GGCX: variants seen among roughly 807,000 people sequenced by gnomAD.
GGCX encodes the protein vitamin K-dependent gamma-carboxylase.
In GGCX, 63 loss-of-function variants were observed where a neutral mutation model predicts 88.5. The observed-to-expected ratio is 0.71, with a 90% CI of 0.58 to 0.88. GGCX has a LOEUF of 0.88. GGCX is among the 40% of genes least tolerant of loss of function. GGCX has a pLI of 0.00. For missense variants in GGCX, 805 were observed against 932.9 expected (o/e 0.86, Z 1.79); for synonymous variants, 368 against 365.8 (o/e 1.01, Z -0.07).
Position 85,550,566 on chromosome 2 carries a change from G to A in GGCX, c.2073C>T (p.Val691=), listed in dbSNP as rs757455951. The change falls in exon 14 of 15, where the codon GTC becomes GTT. Residue 691 remains valine (V), a synonymous_variant. Transcript: ENST00000233838. ...FFRFLLRKLY[V]FRRSFLMTCI... The stretch of plus-strand genomic sequence containing the variant: ...TGTTGTGAACTTACCTGCGGCGAAA[G>A]ACATAGAGCTTTCGCAACAAGAAGC... 7 of 1,613,140 alleles carry A rather than the reference G, an allele frequency of 4.3e-6. No individual in the cohort carries two copies. In the East Asian group the frequency reaches 1.1e-4, roughly 26 times the overall value.
In GGCX at chr2:85,547,700, G is replaced by C. The variant is rs1691743764; in HGVS notation, c.*2234C>G. ...CATCCCTCCCACCCATTCTTACAAA[G>C]TAATCAGGGGACCCTGTGCCACAGC... On this transcript the variant is annotated 3_prime_UTR_variant, in exon 15 of 15. Coordinates refer to ENST00000233838, the MANE Select transcript of GGCX (RefSeq NM_000821.7). 1 of 136,022 alleles carries C rather than the reference G, an allele frequency of 7.4e-6. No individual in the cohort carries two copies. The allele number at this position is 136,022 out of a possible 1,614,324, so 8.4% of individuals were successfully genotyped here.
intron 10 of GGCX, among the ~76,000 whole-genome samples, 167 bp from the exon 11 acceptor site, chr2:85,552,148 C>T (rs192077031): frequency 1.3e-5 from 2 of 152,310 alleles, no homozygotes; most frequent in South Asian, 2.1e-4. Flanking sequence ...CAGAAGAGAT[C>T]TGGAGCACTG....
chr2:85,555,378 T>G (rs2103974158), intron 6 of GGCX, 106 bp downstream of exon 6: 2 of 712,094 alleles, frequency 2.8e-6, no homozygotes, highest in East Asian at 2.6e-5. Flanking sequence ...AAGGAAGGCA[T>G]GTGGCAAATT....
Position 85,558,443 on chromosome 2 carries a change from T to C in GGCX, c.536A>G (p.Tyr179Cys), listed in dbSNP as rs550885855. The C allele has an allele frequency of 1.2e-6, 2 of 1,613,418 alleles. No individual in the cohort carries two copies. The highest frequency in any genetic ancestry group is 2.2e-5 in the South Asian group (2 of 91,072). The change falls in exon 4 of 15, where the codon TAC becomes TGC. Residue 179 changes from tyrosine to cysteine, a missense_variant. Coordinates refer to ENST00000233838, the MANE Select transcript of GGCX (RefSeq NM_000821.7). ...FQLTFMDANH[Y>C]WSVDGLLNAH... ...CTTTGTCCCCCCTGACTCATACCAG[T>C]AGTGGTTTGCATCCATGAATGTTAG...
rs527480544 is a variant in GGCX, at chr2:85,547,393, T to C, written c.*2541A>G. ...CAACTCTACCCCACTGAACAGCTTT[T>C]ATTACCAGTATTTACATGACCACTT... is the stretch of plus-strand genomic sequence containing the variant. On this transcript the variant is annotated 3_prime_UTR_variant, in exon 15 of 15. Coordinates refer to ENST00000233838, the MANE Select transcript of GGCX (RefSeq NM_000821.7). 1 of 152,318 alleles carries C rather than the reference T, an allele frequency of 6.6e-6. No homozygotes were observed. Among genetic ancestry groups the C allele is most frequent in the African/African-American group, 2.4e-5 (1 of 41,568 alleles). The allele number at this position is 152,318 out of a possible 1,614,324, so 9.4% of individuals were successfully genotyped here.
chr2:85,561,387 T>C lies in GGCX; in HGVS notation c.42A>G (p.Ser14=), dbSNP rs1183548431. Residue 14 remains serine, a splice_region_variant and synonymous_variant, in exon 1 of 15, where the codon TCA becomes TCG. Coordinates refer to ENST00000233838, the MANE Select transcript of GGCX (RefSeq NM_000821.7). ...CGGAGGGCGGGGTCCTAAGCCTACC[T>C]GAGCTGGGCGAGGTCCGCGCGGACC... ...SAGSARTSPS[S]DKVQKDKAEL... The C allele has an allele frequency of 3.2e-6, 5 of 1,549,590 alleles. No individual in the cohort carries two copies. The highest frequency in any genetic ancestry group is 4.4e-6 in the Non-Finnish European group (5 of 1,145,026).
Position 85,550,647 on chromosome 2 carries a change from T to C in GGCX, c.1992A>G (p.Gln664=). 1.9e-6 allele frequency: 3 copies of C among 1,613,964 alleles called. No individual in the cohort carries two copies. Among genetic ancestry groups the C allele is most frequent in the Non-Finnish European group, 2.5e-6 (3 of 1,179,840 alleles). ...GCCGGCGTTCAATCTCCTGGAGCCT[T>C]TGTTGGCGTCTAAGAAAGGTCTGAA... ...PLVQTFLRRQ[Q]RLQEIERRRN... The change falls in exon 14 of 15, where the codon CAA becomes CAG. Residue 664 remains glutamine, a synonymous_variant. Coordinates refer to ENST00000233838, the MANE Select transcript of GGCX (RefSeq NM_000821.7).
rs1278304589 is a variant in GGCX at position 85,552,284 on chromosome 2, C to A, written c.1439+132G>T. On this transcript the variant is annotated intron_variant, in intron 10 of 14. Coordinates refer to ENST00000233838, the MANE Select transcript of GGCX (RefSeq NM_000821.7). ...TGGAAGCAACCAGCTATGCCCACAA[C>A]CAGATCAAGGGGGACATGCACTAGA... The A allele has an allele frequency of 8.6e-6, 8 of 931,048 alleles. No homozygotes were observed. In the Admixed American group the frequency reaches 1.5e-4, roughly 17 times the overall value. 57.7% of individuals were successfully genotyped at this position (931,048 alleles called of 1,614,324 possible).
intron 4 of GGCX, among the ~76,000 whole-genome samples, chr2:85,557,921 C>A (rs575152235): frequency 1.1e-3 from 167 of 152,310 alleles, no homozygotes; most frequent in African/African-American, 3.8e-3. Flanking sequence ...AATCCCTTCT[C>A]CACCTCCCCT....
In GGCX at chr2:85,560,808, G is replaced by T; in HGVS notation, c.214+7C>A. The T allele has an allele frequency of 6.2e-7, 1 of 1,611,782 alleles. No homozygotes were observed. On this transcript the variant is annotated splice_region_variant and intron_variant, in intron 2 of 14. Transcript: ENST00000233838. ...CCAAATTGCTCCCACCCATAAACTG[G>T]ACTCACCAAAAAGAAAACGAAAGAC...
intron 9 of GGCX, 80 bp downstream of exon 9, chr2:85,552,859 G>GGT: frequency 1.3e-6 from 2 of 1,482,026 alleles, no homozygotes; most frequent in Non-Finnish European, 1.9e-6. Flanking sequence ...TTTGCTTTAT[G>GGT]GTGTGTGTAA....
chr2:85,560,108 A>G (rs1558813399), intron 2 of GGCX, among the ~76,000 whole-genome samples: 1 of 152,178 alleles, frequency 6.6e-6, no homozygotes, highest in Non-Finnish European at 1.5e-5. Flanking sequence ...GGGGACTAAT[A>G]TCTCTGCACA....
At chr2:85,553,629 T>G in intron 7 of GGCX, 132 bp from the exon 8 acceptor site, 1 of 873,384 alleles carries the variant, frequency 1.1e-6, no homozygotes, top group Non-Finnish European at 1.9e-6. Flanking sequence ...TGAGACAGTC[T>G]TTCTCTGTCG....
At position 85,554,167 on chromosome 2, in the gene GGCX, T is replaced by C. The variant is rs1343931946; in HGVS notation, c.865A>G (p.Met289Val). The stretch of plus-strand genomic sequence containing the variant: ...CCAATGCTGAAAAGCTGGGAATTCA[T>C]GCAGTGGAAGTAGGACACAAAGAAC... ...GLFFVSYFHCMNSQLFSIGMF... is the reference protein window; with the variant it reads ...GLFFVSYFHCVNSQLFSIGMF... The change falls in exon 7 of 15, where the codon ATG becomes GTG. Residue 289 changes from methionine to valine, a missense_variant. Transcript: ENST00000233838. The C allele has an allele frequency of 1.2e-6, 2 of 1,613,162 alleles. No individual in the cohort carries two copies. The highest frequency in any genetic ancestry group is 1.7e-5 in the Admixed American group (1 of 59,994).
chr2:85,550,291 CTT>C (rs1490493564), intron 14 of GGCX, among the ~76,000 whole-genome samples, 165 bp from the exon 15 acceptor site: 4 of 152,168 alleles, frequency 2.6e-5, no homozygotes, highest in Non-Finnish European at 5.9e-5. Context: ...GTACACCACT[CTT>C]TATACAGTCT....
chr2:85,558,528 G>C lies in GGCX; in HGVS notation c.451C>G (p.Leu151Val). ...TTGTTCCATGATGTCTTGTCCAGGA[G>C]AAACACATACCAGTATGGCAGCAGG... ...LFLLPYWYVFLLDKTSWNNHS... is the reference protein window; with the variant it reads ...LFLLPYWYVFVLDKTSWNNHS... Residue 151 changes from leucine to valine, a missense_variant, in exon 4 of 15, where the codon CTC (leucine) becomes GTC (valine). Transcript: ENST00000233838. The C allele has an allele frequency of 6.2e-7, 1 of 1,613,058 alleles. No homozygotes were observed. The highest frequency in any genetic ancestry group is 2.2e-5 in the East Asian group (1 of 44,880).
chr2:85,554,404 G>T, intron 6 of GGCX, 98 bp from the exon 7 acceptor site: 2 of 1,030,530 alleles, frequency 1.9e-6, no homozygotes, highest in Non-Finnish European at 1.5e-6. Flanking sequence ...CAGTGGCTGG[G>T]TAGATGCCTA....
rs768466360 is a variant in GGCX at position 85,552,951 on chromosome 2, G to A, written c.1275C>T (p.Tyr425=). Residue 425 remains tyrosine (Y), a synonymous_variant, in exon 9 of 15, where the codon TAC becomes TAT. Transcript: ENST00000233838. Reference sequence around the variant, plus strand: ...TCAGACATCTCACCCCAGGGTTAAGGTAGCCCAGTTCGCCAGTGCGGCCAT... The same window carrying A: ...TCAGACATCTCACCCCAGGGTTAAGATAGCCCAGTTCGCCAGTGCGGCCAT... ...YRDGRTGELG[Y]LNPGVFTQSR... 3 of 1,614,078 alleles carry A rather than the reference G, an allele frequency of 1.9e-6. No individual in the cohort carries two copies. Among genetic ancestry groups the A allele is most frequent in the Non-Finnish European group, 2.5e-6 (3 of 1,180,010 alleles).
Position 85,551,584 on chromosome 2 carries a change from C to CAG in GGCX, c.1635_1636insCT (p.Glu546LeufsTer16). On this transcript the variant is annotated frameshift_variant, in exon 12 of 15. Coordinates refer to ENST00000233838, the MANE Select transcript of GGCX (RefSeq NM_000821.7). LOFTEE classifies it high-confidence loss of function. ...TGGATGCTAGTGTTGCCCAGGTCTT[C>CAG]ACTCACAAAATTCTCCAAGTGCAGT... 6.2e-7 allele frequency: 1 copy of CAG among 1,613,880 alleles called. No individual in the cohort carries two copies. The highest frequency in any genetic ancestry group is 8.5e-7 in the Non-Finnish European group (1 of 1,180,002).
Sources: allele counts gnomAD v4.1 joint callset (sites outside exome capture counted in the v4.1 genomes callset), GRCh38; gene constraint gnomAD v4.1.1; transcripts MANE v1.5; gene names NCBI Gene and HGNC (gene_info 2026-07-23, HGNC 2026-07-21).